The following PRKAR2A variants were observed in gnomAD, a reference collection of about 807,000 sequenced individuals.
PRKAR2A encodes the protein cAMP-dependent protein kinase type II-alpha regulatory subunit.
Under a neutral mutation model 51.9 loss-of-function variants are expected in PRKAR2A, and 29 were observed. The ratio of observed to expected loss-of-function variants is 0.56; its 90% CI spans 0.42 to 0.76. The LOEUF (loss-of-function observed/expected upper bound fraction) is 0.76, where lower values mean the gene tolerates loss of function less well. Ranked by LOEUF, PRKAR2A falls within the 30% of genes least tolerant of loss-of-function variation. PRKAR2A has a pLI of 0.00. For missense variants in PRKAR2A, 445 were observed against 512.1 expected, an observed-to-expected ratio of 0.87 and a Z score of 1.26; for synonymous variants, 178 against 186.2, an observed-to-expected ratio of 0.96 and a Z score of 0.36.
At chr3:48,780,909 G>A (rs2082185308) in intron 5 of PRKAR2A, among the ~76,000 whole-genome samples, 1 of 152,020 alleles carries the variant, frequency 6.6e-6, no homozygotes, top group South Asian at 2.1e-4. Context: ...ATCCTTTTTA[G>A]GAAATGCACA....
At position 48,748,128 on chromosome 3, in the gene PRKAR2A, CT is replaced by C. The variant is rs35267173; in HGVS notation, c.*3456del. Reference sequence around the variant, plus strand: ...TCAATCAGTAGTTGGAGGAGGATGACTTTTTTTTTTTTTTTTTGAGATAGGG... The same window carrying C: ...TCAATCAGTAGTTGGAGGAGGATGACTTTTTTTTTTTTTTTTGAGATAGGG... On this transcript the variant is annotated 3_prime_UTR_variant, in exon 11 of 11. Transcript: ENST00000265563. 2,000 of 136,454 alleles carry C rather than the reference CT, an allele frequency of 0.015. 26 individuals are homozygous for C. The highest frequency in any genetic ancestry group is 0.037 in the African/African-American group (1,358 of 37,082). 8.5% of individuals were successfully genotyped at this position (136,454 alleles called of 1,614,324 possible). A position where few individuals can be genotyped will look rare whatever the true frequency, so the allele number is the denominator to read the frequency against.
At chr3:48,803,958 T>G (rs1318315496) in intron 2 of PRKAR2A, among the ~76,000 whole-genome samples, 3 of 152,060 alleles carry the variant, frequency 2.0e-5, no homozygotes, top group Admixed American at 2.0e-4. Flanking sequence ...GGCAAGACTC[T>G]GTCTCAAAAA....
intron 1 of PRKAR2A, among the ~76,000 whole-genome samples, chr3:48,839,972 T>G (rs1336222227): frequency 6.6e-6 from 1 of 152,116 alleles, no homozygotes; most frequent in Non-Finnish European, 1.5e-5. Flanking sequence ...CTTCAGAACT[T>G]TTTCATTATC....
intron 9 of PRKAR2A, among the ~76,000 whole-genome samples, chr3:48,754,996 CTTTT>C (rs1279558575): frequency 7.9e-6 from 1 of 125,792 alleles, no homozygotes; most frequent in South Asian, 2.6e-4. Context: ...TACTTATTAA[CTTTT>C]TTTTTTTTTT....
downstream of PRKAR2A, among the ~76,000 whole-genome samples, chr3:48,746,361 A>G (rs2081561978): frequency 6.6e-6 from 1 of 150,910 alleles, no homozygotes. Context: ...ACTAAAAAAA[A>G]AAAAAAAAAA....
chr3:48,827,047 C>T (rs528205695), intron 1 of PRKAR2A, among the ~76,000 whole-genome samples: 3 of 152,098 alleles, frequency 2.0e-5, no homozygotes, highest in Non-Finnish European at 4.4e-5. Context: ...ATTTCAGATA[C>T]CACTTATCTA....
At chr3:48,843,730 T>C (rs951896963) in intron 1 of PRKAR2A, among the ~76,000 whole-genome samples, 24 of 152,082 alleles carry the variant, frequency 1.6e-4, no homozygotes, top group African/African-American at 5.3e-4. Flanking sequence ...AAACAAGCAA[T>C]GGGGGAAGGA....
intron 1 of PRKAR2A, among the ~76,000 whole-genome samples, chr3:48,843,985 T>A (rs1399732697): frequency 1.3e-5 from 2 of 148,684 alleles, no homozygotes; most frequent in Non-Finnish European, 3.0e-5. Flanking sequence ...AATTGACAAA[T>A]GGGATCTAAT....
intron 1 of PRKAR2A, among the ~76,000 whole-genome samples, chr3:48,813,211 G>A (rs1166421537): frequency 2.7e-5 from 4 of 148,524 alleles, no homozygotes; most frequent in African/African-American, 1.0e-4. Flanking sequence ...CCTGGGCAAG[G>A]TGGCAAGACC....
chr3:48,831,667 A>G (rs974002058), intron 1 of PRKAR2A, among the ~76,000 whole-genome samples: 6 of 151,892 alleles, frequency 4.0e-5, no homozygotes, highest in African/African-American at 1.5e-4. Context: ...TCCAGGCTGG[A>G]GTGCAGTAGC....
chr3:48,781,283 G>A (rs1177756639), intron 5 of PRKAR2A, among the ~76,000 whole-genome samples: 1 of 151,338 alleles, frequency 6.6e-6, no homozygotes, highest in Non-Finnish European at 1.5e-5. Context: ...ACCACGCCCA[G>A]CCTTGCCAAC....
intron 8 of PRKAR2A, among the ~76,000 whole-genome samples, chr3:48,762,245 CCTGA>C (rs1456364918): frequency 6.6e-6 from 1 of 152,004 alleles, no homozygotes; most frequent in Non-Finnish European, 1.5e-5. Flanking sequence ...ATAGCAAGAC[CCTGA>C]CTGTAATTTT....
chr3:48,753,577 T>G (rs561380672), intron 9 of PRKAR2A, among the ~76,000 whole-genome samples: 1 of 152,140 alleles, frequency 6.6e-6, no homozygotes, highest in South Asian at 2.1e-4. Context: ...TTCTCTGGAG[T>G]TGCAGCCATA....
At chr3:48,840,510 T>A (rs2083359829) in intron 1 of PRKAR2A, among the ~76,000 whole-genome samples, 1 of 146,442 alleles carries the variant, frequency 6.8e-6, no homozygotes, top group South Asian at 2.3e-4. Flanking sequence ...ATATATACCA[T>A]ATTTTGTTTA....
chr3:48,791,338 T>C (rs2082381750), intron 3 of PRKAR2A, among the ~76,000 whole-genome samples: 1 of 141,780 alleles, frequency 7.1e-6, no homozygotes, highest in East Asian at 2.1e-4. Context: ...GGCGCACGCC[T>C]GTAATCCCAG....
intron 1 of PRKAR2A, among the ~76,000 whole-genome samples, chr3:48,841,578 G>A (rs533106734): frequency 6.9e-6 from 1 of 145,808 alleles, no homozygotes; most frequent in East Asian, 2.0e-4. Flanking sequence ...AGGTGTTTTG[G>A]TTATATACCT....
intron 4 of PRKAR2A, among the ~76,000 whole-genome samples, chr3:48,787,655 G>A (rs1374217043): frequency 6.6e-6 from 1 of 152,264 alleles, no homozygotes; most frequent in South Asian, 2.1e-4. Context: ...GGTCTTCCAG[G>A]GAAAACAGCT....
chr3:48,757,021 ATC>A (rs1477601528), intron 8 of PRKAR2A, among the ~76,000 whole-genome samples: 7 of 152,240 alleles, frequency 4.6e-5, no homozygotes, highest in African/African-American at 1.7e-4. Flanking sequence ...TTGGGTAGGT[ATC>A]TTAACAACCA....
intron 9 of PRKAR2A, among the ~76,000 whole-genome samples, chr3:48,754,352 C>T (rs1218770085): frequency 1.3e-5 from 2 of 151,950 alleles, no homozygotes; most frequent in Non-Finnish European, 1.5e-5. Context: ...ATTCTCCTGC[C>T]TCAGCCTCCT....
Sources: allele counts gnomAD v4.1 joint callset (sites outside exome capture counted in the v4.1 genomes callset), GRCh38; gene constraint gnomAD v4.1.1; transcripts MANE v1.5; gene names NCBI Gene and HGNC (gene_info 2026-07-23, HGNC 2026-07-21).